Variants in CPLANE1 observed in about 807,000 individuals in gnomAD.
The protein encoded by CPLANE1 is ciliogenesis and planar polarity effector 1.
A neutral mutation model predicts 362.5 loss-of-function variants in CPLANE1; 263 were observed. The observed-to-expected ratio is 0.73, with a 90% confidence interval of 0.66 to 0.80. The LOEUF is 0.80. Among genes scored for constraint, CPLANE1 ranks in the 30% least tolerant of loss-of-function variants. The pLI is 0.00. For missense variants in CPLANE1, 3,461 were observed against 3,793.4 expected (o/e 0.91, Z 2.30); for synonymous variants, 1,212 against 1,302.6 (o/e 0.93, Z 1.50).
intron 44 of CPLANE1, chr5:37,140,823 G>A (rs1035327548): frequency 2.0e-6 from 2 of 984,292 alleles, no homozygotes; most frequent in Non-Finnish European, 2.4e-6. Context: ...CCAAGTAAAC[G>A]TTCTTAAAAC....
At chr5:37,184,195 TA>T (rs781642699) in intron 25 of CPLANE1, among the ~76,000 whole-genome samples, 37 of 152,314 alleles carry the variant, frequency 2.4e-4, no homozygotes, top group Non-Finnish European at 4.7e-4. Flanking sequence ...GAACTTTTTC[TA>T]AACACTTTTA....
At position 37,175,306 on chromosome 5, in the gene CPLANE1, G is replaced by C. The variant is rs182555307; in HGVS notation, c.5978+603C>G. ...CAGTCTCAGAAGCTCTTTAAACTGA[G>C]TGTAGCAAAAGGGCCGGATCTGGGT... On this transcript the variant is annotated intron_variant, in intron 31 of 52. Coordinates refer to ENST00000651892, the MANE Select transcript of CPLANE1 (RefSeq NM_001384732.1). Among the ~76,000 whole-genome samples, 523 of 152,304 alleles carry C rather than the reference G, an allele frequency of 3.4e-3. 2 individuals carry two copies. Among genetic ancestry groups the C allele is most frequent in the African/African-American group, 0.012 (503 of 41,568 alleles).
intron 38 of CPLANE1, among the ~76,000 whole-genome samples, chr5:37,159,832 A>C (rs1776373518): frequency 6.6e-6 from 1 of 152,236 alleles, no homozygotes; most frequent in East Asian, 1.9e-4. Context: ...ATCTTTAATA[A>C]GTCATACTGT....
chr5:37,244,130 G>A (rs942887263), intron 5 of CPLANE1, among the ~76,000 whole-genome samples: 3 of 152,044 alleles, frequency 2.0e-5, no homozygotes, highest in East Asian at 1.9e-4. Flanking sequence ...GAATACAGGC[G>A]TGAGCCACCG....
intron 42 of CPLANE1, among the ~76,000 whole-genome samples, chr5:37,148,788 C>A (rs2150530813): frequency 6.6e-6 from 1 of 151,884 alleles, no homozygotes; most frequent in South Asian, 2.1e-4. Context: ...CAGTGGCTCA[C>A]ACCTGTAATC....
Position 37,125,360 on chromosome 5 carries a change from T to C in CPLANE1, c.8842A>G (p.Arg2948Gly), listed in dbSNP as rs769590748. The C allele has an allele frequency of 1.2e-6, 2 of 1,613,788 alleles. No individual in the cohort carries two copies. The highest frequency in any genetic ancestry group is 1.7e-6 in the Non-Finnish European group (2 of 1,179,958). The change falls in exon 47 of 53, where the codon AGA becomes GGA. Residue 2948 changes from arginine to glycine, a missense_variant. This residue lies in a region of CPLANE1 where 3,380 missense variants were observed against 3,666.1 expected (regional missense o/e 0.92). Transcript: ENST00000651892. The part of the protein sequence containing the change: ...RHSQRTDKER[R>G]EIQAWMKRKR... ...CTTTTCATCCAGGCTTGAATCTCTC[T>C]TCTTTCCTTGTCAGTTCTTTGTGAA...
intron 47 of CPLANE1, among the ~76,000 whole-genome samples, chr5:37,123,932 C>CACAG (rs556662084): frequency 9.7e-6 from 1 of 102,898 alleles, no homozygotes; most frequent in African/African-American, 3.5e-5. Context: ...GGGGAACATA[C>CACAG]ACACACACAC....
intron 2 of CPLANE1, chr5:37,246,131 C>A: frequency 5.1e-6 from 1 of 194,214 alleles, no homozygotes; most frequent in South Asian, 1.9e-4. Context: ...CTAGCCAAAA[C>A]TGGCTTATCT....
At chr5:37,140,239 CA>C (rs1203849793) in intron 44 of CPLANE1, 3 of 919,576 alleles carry the variant, frequency 3.3e-6, no homozygotes, top group Non-Finnish European at 3.9e-6. Context: ...CATCTCTTCT[CA>C]AAAAATATTC....
At chr5:37,247,312 C>G (rs891643027) in intron 2 of CPLANE1, among the ~76,000 whole-genome samples, 1 of 152,176 alleles carries the variant, frequency 6.6e-6, no homozygotes, top group Non-Finnish European at 1.5e-5. Context: ...ATTAAATATT[C>G]CCTTTTGATA....
In CPLANE1 at chr5:37,211,750, C is replaced by A. The variant is rs562098805; in HGVS notation, c.2920+1809G>T. On this transcript the variant is annotated intron_variant, in intron 16 of 52. Coordinates refer to ENST00000651892, the MANE Select transcript of CPLANE1 (RefSeq NM_001384732.1). Reference sequence around the variant, plus strand: ...TTCTCCAGCCCTCCGGAGCAGAAAGCGGGTCTTTACTGGAGACAAAATGAA... The same window carrying A: ...TTCTCCAGCCCTCCGGAGCAGAAAGAGGGTCTTTACTGGAGACAAAATGAA... 3 of 782,984 alleles carry A rather than the reference C, an allele frequency of 3.8e-6. No homozygotes were observed. The Admixed American group carries it at 5.1e-5, about 13-fold the overall frequency. The allele number at this position is 782,984 out of a possible 1,614,324, so 48.5% of individuals were successfully genotyped here.
chr5:37,158,670 AG>A (rs1298489347), intron 38 of CPLANE1, among the ~76,000 whole-genome samples: 3 of 152,314 alleles, frequency 2.0e-5, no homozygotes, highest in African/African-American at 4.8e-5. Context: ...TGTCTACTTT[AG>A]GGAAGTTTCA....
At chr5:37,159,565 C>T (rs1776290667) in intron 38 of CPLANE1, among the ~76,000 whole-genome samples, 1 of 152,194 alleles carries the variant, frequency 6.6e-6, no homozygotes, top group Non-Finnish European at 1.5e-5. Flanking sequence ...CCTGTCACAG[C>T]AGATCAACAA....
Position 37,244,595 on chromosome 5 carries a change from C to T in CPLANE1, c.350G>A (p.Arg117Lys). 6.5e-7 allele frequency: 1 copy of T among 1,530,980 alleles called. No individual in the cohort carries two copies. Among genetic ancestry groups the T allele is most frequent in the Non-Finnish European group, 8.8e-7 (1 of 1,138,914 alleles). 94.8% of individuals were successfully genotyped at this position (1,530,980 alleles called of 1,614,324 possible). The change falls in exon 5 of 53, where the codon AGA (arginine) becomes AAA (lysine). Residue 117 changes from arginine to lysine, a missense_variant. Arg to Lys is a conservative substitution (Grantham distance 26, BLOSUM62 2). Coordinates refer to ENST00000651892, the MANE Select transcript of CPLANE1 (RefSeq NM_001384732.1). ...ATTTCCAGATACATACAAGTACAGT[C>T]TCAAAGAGCTTGCTAAAAAAGTAAC... is the stretch of plus-strand genomic sequence containing the variant. The part of the protein sequence containing the change: ...MIKATVASSL[R>K]LYLYVSGNGK...
intron 46 of CPLANE1, among the ~76,000 whole-genome samples, chr5:37,131,553 G>A (rs765059592): frequency 6.6e-6 from 1 of 150,420 alleles, no homozygotes; most frequent in African/African-American, 2.5e-5. Flanking sequence ...TTTTTGAGAC[G>A]GAGTTTCGCT....
In CPLANE1 at chr5:37,187,580, GAT is replaced by G; in HGVS notation, c.3922-10_3922-9del. ...AAACTCCACTTCAAGGTCCTAAAAG[GAT>G]ATTGAAAAACATTCATTTCCTTTTT... On this transcript the variant is annotated splice_polypyrimidine_tract_variant and intron_variant, in intron 22 of 52. Coordinates refer to ENST00000651892, the MANE Select transcript of CPLANE1 (RefSeq NM_001384732.1). 1 of 1,597,800 alleles carries G rather than the reference GAT, an allele frequency of 6.3e-7. No homozygotes were observed. The highest frequency in any genetic ancestry group is 8.5e-7 in the Non-Finnish European group (1 of 1,173,820).
chr5:37,164,221 A>G (rs1008551305), intron 37 of CPLANE1, 52 bp downstream of exon 37: 30 of 1,344,986 alleles, frequency 2.2e-5, no homozygotes, highest in Non-Finnish European at 3.0e-5. Flanking sequence ...ATTTCTAGAA[A>G]GCTAATTTTA....
chr5:37,093,029 A>G, the CPLANE1 span, among the ~76,000 whole-genome samples: 2 of 152,180 alleles, frequency 1.3e-5, no homozygotes, highest in African/African-American at 2.4e-5. Context: ...TCAATTTGAC[A>G]TGCGATTGGC....
At chr5:37,165,907 G>A (rs767010522) in intron 35 of CPLANE1, among the ~76,000 whole-genome samples, 54 of 152,124 alleles carry the variant, frequency 3.5e-4, no homozygotes, top group Non-Finnish European at 6.3e-4. Flanking sequence ...ATTAGTCACT[G>A]GAATCTAAGG....
Sources: allele counts gnomAD v4.1 joint callset (sites outside exome capture counted in the v4.1 genomes callset), GRCh38; gene constraint gnomAD v4.1.1; regional missense constraint gnomAD v4.1.1; transcripts MANE v1.5; gene names NCBI Gene and HGNC (gene_info 2026-07-23, HGNC 2026-07-21).